LRBA: variants seen among roughly 807,000 people sequenced by gnomAD.
LRBA encodes the protein lipopolysaccharide-responsive and beige-like anchor protein.
LRBA carries 176 observed loss-of-function variants against 330.0 expected under a neutral mutation model. The observed-to-expected ratio is 0.53, with a 90% CI of 0.47 to 0.60. LRBA has a LOEUF of 0.60. Ranked by LOEUF, LRBA falls within the 20% of genes least tolerant of loss-of-function variation. The pLI is 0.00. For synonymous variants in LRBA, 1,230 were observed against 1,193.0 expected (o/e 1.03, Z -0.64); for missense variants, 3,259 against 3,444.8 (o/e 0.95, Z 1.35).
intron 2 of LRBA, among the ~76,000 whole-genome samples, chr4:150,960,240 C>G (rs1737996634): frequency 6.7e-6 from 1 of 148,772 alleles, no homozygotes; most frequent in African/African-American, 2.6e-5. Flanking sequence ...AAGAGACAAC[C>G]TGACATAAGA....
At chr4:150,298,955 C>T (rs1382301343) in intron 53 of LRBA, among the ~76,000 whole-genome samples, 1 of 151,956 alleles carries the variant, frequency 6.6e-6, no homozygotes, top group African/African-American at 2.4e-5. Context: ...TTTTTTAAAT[C>T]CATGTTTATG....
At chr4:150,380,194 A>C (rs2151886536) in intron 47 of LRBA, among the ~76,000 whole-genome samples, 1 of 151,872 alleles carries the variant, frequency 6.6e-6, no homozygotes. Context: ...AAACAAAACA[A>C]AACAAAATAA....
At chr4:150,865,479 G>A (rs1208060275) in intron 22 of LRBA, among the ~76,000 whole-genome samples, 2 of 152,124 alleles carry the variant, frequency 1.3e-5, no homozygotes, top group Non-Finnish European at 2.9e-5. Context: ...GCTGAATTCT[G>A]TTTTAAACAA....
intron 2 of LRBA, among the ~76,000 whole-genome samples, chr4:151,007,848 C>T (rs1409790388): frequency 1.2e-5 from 1 of 80,478 alleles, no homozygotes; most frequent in East Asian, 3.8e-4. Flanking sequence ...CAGAGCAAGA[C>T]TCCATCTCAA....
At chr4:150,445,377 C>CTCTCTCTCTCTCTCTATATATATATA (rs1454079183) in intron 44 of LRBA, among the ~76,000 whole-genome samples, 1 of 78,606 alleles carries the variant, frequency 1.3e-5, no homozygotes, top group Admixed American at 1.7e-4. Context: ...CTCTCTCTCT[C>CTCTCTCTCTCTCTCTATATATATATA]TATATATATA....
At chr4:150,501,470 G>A (rs905614617) in intron 40 of LRBA, among the ~76,000 whole-genome samples, 2 of 152,114 alleles carry the variant, frequency 1.3e-5, no homozygotes, top group Non-Finnish European at 2.9e-5. Flanking sequence ...AAATTAGCTG[G>A]AGGTGGTGGT....
chr4:150,855,109 T>C (rs1751069399), intron 22 of LRBA, among the ~76,000 whole-genome samples: 1 of 151,968 alleles, frequency 6.6e-6, no homozygotes, highest in Non-Finnish European at 1.5e-5. Context: ...AACACAAACA[T>C]TAGCTGGGCA....
chr4:150,351,553 G>A (rs1737168745), intron 47 of LRBA, among the ~76,000 whole-genome samples: 1 of 152,104 alleles, frequency 6.6e-6, no homozygotes, highest in South Asian at 2.1e-4. Flanking sequence ...GCCGGGCGTG[G>A]TGGCGGGCGC....
At chr4:150,637,633 TC>T (rs1240749154) in intron 37 of LRBA, among the ~76,000 whole-genome samples, 3 of 152,156 alleles carry the variant, frequency 2.0e-5, no homozygotes, top group Admixed American at 6.5e-5. Flanking sequence ...ACTGGAGAAG[TC>T]CCTGTGGCAA....
intron 53 of LRBA, among the ~76,000 whole-genome samples, chr4:150,297,040 G>A (rs1030612265): frequency 1.3e-5 from 2 of 151,872 alleles, no homozygotes; most frequent in African/African-American, 2.4e-5. Flanking sequence ...TTTCCCATAT[G>A]AGCATAAAGT....
chr4:150,435,565 C>T, intron 46 of LRBA, 24 bp downstream of exon 46: 1 of 1,596,520 alleles, frequency 6.3e-7, no homozygotes, highest in Non-Finnish European at 8.5e-7. Context: ...GCAATAACAA[C>T]TATAAAACAA....
At chr4:150,965,892 A>G (rs1003856868) in intron 2 of LRBA, among the ~76,000 whole-genome samples, 4 of 152,074 alleles carry the variant, frequency 2.6e-5, no homozygotes, top group Non-Finnish European at 5.9e-5. Context: ...AGAGATGAGC[A>G]AGGGATAATG....
intron 40 of LRBA, among the ~76,000 whole-genome samples, chr4:150,513,170 A>G (rs1762005610): frequency 6.6e-6 from 1 of 152,238 alleles, no homozygotes; most frequent in Non-Finnish European, 1.5e-5. Context: ...AGACCACCTC[A>G]AGGTATAATC....
At position 150,916,720 on chromosome 4, in the gene LRBA, TAGG is replaced by T; in HGVS notation, c.661_663del (p.Pro221del). The T allele has an allele frequency of 6.4e-7, 1 of 1,572,472 alleles. No homozygotes were observed. The highest frequency in any genetic ancestry group is 8.6e-7 in the Non-Finnish European group (1 of 1,165,540). On this transcript the variant is annotated inframe_deletion, in exon 6 of 57. Transcript: ENST00000651943. Reference sequence around the variant, plus strand: ...CCATTCTGGTATGGCCATTTGGCTATAGGAGGTAATGCAATAGCCTAAAGGAAA... The same window carrying T: ...CCATTCTGGTATGGCCATTTGGCTATAGGTAATGCAATAGCCTAAAGGAAA...
chr4:150,861,269 T>TGGTGTG (rs1751890978), intron 22 of LRBA, among the ~76,000 whole-genome samples: 1 of 114,742 alleles, frequency 8.7e-6, no homozygotes, highest in African/African-American at 4.6e-5. Flanking sequence ...TCCCAGCTAA[T>TGGTGTG]GGTGTGTGTG....
At chr4:150,732,713 T>C (rs1358012271) in intron 36 of LRBA, among the ~76,000 whole-genome samples, 1 of 152,040 alleles carries the variant, frequency 6.6e-6, no homozygotes, top group Non-Finnish European at 1.5e-5. Context: ...GTTGATGGTA[T>C]CTTTCCTCCA....
rs1769161724 is a variant in LRBA at position 150,566,573 on chromosome 4, G to C, written c.6330+21475C>G. ...TTTCCAATTAAACTATTTAGGAAAAGCTATACTTTAATTTTAATCTTAAAA... is the reference window on the plus strand; with the variant it reads ...TTTCCAATTAAACTATTTAGGAAAACCTATACTTTAATTTTAATCTTAAAA... On this transcript the variant is annotated intron_variant, in intron 40 of 56. Transcript: ENST00000651943. Among the ~76,000 whole-genome samples the C allele has an allele frequency of 2.0e-5, 3 of 152,086 alleles. No homozygotes were observed. In the South Asian group the frequency reaches 6.2e-4, roughly 32 times the overall value.
intron 44 of LRBA, among the ~76,000 whole-genome samples, chr4:150,439,856 C>T (rs532760612): frequency 6.6e-6 from 1 of 152,158 alleles, no homozygotes; most frequent in East Asian, 1.9e-4. Context: ...TTTCTGACAA[C>T]TGCTTTAAAA....
intron 55 of LRBA, among the ~76,000 whole-genome samples, chr4:150,278,373 C>T (rs1335492164): frequency 6.6e-6 from 1 of 152,202 alleles, no homozygotes; most frequent in Non-Finnish European, 1.5e-5. Context: ...TGTCCCAAGA[C>T]TTGGCAGATG....
Sources: gnomAD v4.1 joint callset for allele counts (sites outside exome capture counted in the v4.1 genomes callset) on GRCh38, gnomAD v4.1.1 for gene constraint, MANE v1.5 for transcripts, NCBI Gene and HGNC (gene_info 2026-07-23, HGNC 2026-07-21) for gene names.